SNTG2: variants seen among roughly 807,000 people sequenced by gnomAD.
SNTG2 encodes the protein gamma-2-syntrophin.
In SNTG2, 74 loss-of-function variants were observed where a neutral mutation model predicts 70.9. The ratio of observed to expected loss-of-function variants is 1.04; its 90% CI spans 0.86 to 1.27. SNTG2 has a LOEUF of 1.27. SNTG2 is among the 50% of genes most tolerant of loss of function. The pLI is 0.00. For missense variants in SNTG2, 717 were observed against 690.7 expected (o/e 1.04, Z -0.43); for synonymous variants, 278 against 273.8 (o/e 1.02, Z -0.15).
intron 1 of SNTG2, among the ~76,000 whole-genome samples, chr2:1,052,520 G>A (rs1474221153): frequency 6.6e-6 from 1 of 152,124 alleles, no homozygotes; most frequent in Non-Finnish European, 1.5e-5. Context: ...CCAGAGAACT[G>A]TTCTTTGGCT....
chr2:1,109,568 A>T (rs1294366229), intron 4 of SNTG2, among the ~76,000 whole-genome samples: 1 of 152,184 alleles, frequency 6.6e-6, no homozygotes, highest in Non-Finnish European at 1.5e-5. Flanking sequence ...TGAGTTGCCC[A>T]GTTTTACTCC....
chr2:993,456 A>G lies in SNTG2; in HGVS notation c.72+42388A>G, dbSNP rs992252213. On this transcript the variant is annotated intron_variant, in intron 1 of 16. Transcript: ENST00000308624. ...CACTATTTGACTAATATAAATAATG[A>G]TGCTGTAAATATTTATGTGATTTTG... 3.3e-5 allele frequency among the ~76,000 whole-genome samples: 5 copies of G among 152,270 alleles called. No individual in the cohort carries two copies. In the South Asian group the frequency reaches 8.3e-4, roughly 25 times the overall value.
chr2:1,237,565 C>T (rs1676748863), intron 9 of SNTG2, among the ~76,000 whole-genome samples: 1 of 152,206 alleles, frequency 6.6e-6, no homozygotes, highest in African/African-American at 2.4e-5. Flanking sequence ...TTTAAGTGCT[C>T]CATCCAAAGG....
chr2:983,338 A>T (rs1661194612), intron 1 of SNTG2, among the ~76,000 whole-genome samples: 4 of 146,334 alleles, frequency 2.7e-5, no homozygotes, highest in Non-Finnish European at 4.5e-5. Flanking sequence ...GCAGAGGTGG[A>T]AGTCGGGATG....
chr2:1,193,021 C>A (rs900960160), intron 8 of SNTG2, among the ~76,000 whole-genome samples: 2 of 152,184 alleles, frequency 1.3e-5, no homozygotes, highest in Admixed American at 6.5e-5. Flanking sequence ...ATGCTGGAGA[C>A]CCCTCTATGA....
intron 1 of SNTG2, among the ~76,000 whole-genome samples, chr2:1,070,871 T>G (rs1171128770): frequency 6.6e-6 from 1 of 152,128 alleles, no homozygotes; most frequent in African/African-American, 2.4e-5. Flanking sequence ...TGTGGTATTT[T>G]ATACTGCAGC....
intron 2 of SNTG2, among the ~76,000 whole-genome samples, chr2:1,090,534 A>G (rs1310870041): frequency 6.6e-6 from 1 of 152,178 alleles, no homozygotes; most frequent in Non-Finnish European, 1.5e-5. Context: ...TTTATTAAAA[A>G]GTTTTAGAGC....
Position 951,084 on chromosome 2 carries a change from C to T in SNTG2, c.72+16C>T. The T allele has an allele frequency of 8.1e-7, 1 of 1,238,622 alleles. No homozygotes were observed. The highest frequency in any genetic ancestry group is 1.0e-6 in the Non-Finnish European group (1 of 992,088). The allele number at this position is 1,238,622 out of a possible 1,614,324, so 76.7% of individuals were successfully genotyped here. On this transcript the variant is annotated intron_variant, in intron 1 of 16. Coordinates refer to ENST00000308624, the MANE Select transcript of SNTG2 (RefSeq NM_018968.4). ...ACCTGCGCGGGTGAGTGCGGCCCCT[C>T]AGCGCCCCTTCACCTCCGGCCCCCC...
intron 16 of SNTG2, among the ~76,000 whole-genome samples, chr2:1,352,107 A>G (rs1300663337): frequency 1.3e-5 from 2 of 152,076 alleles, no homozygotes; most frequent in Admixed American, 1.3e-4. Flanking sequence ...CTAACTCACT[A>G]CACTCGTGCC....
In SNTG2 at chr2:1,353,903, CTG is replaced by C. The variant is rs1660710444; in HGVS notation, c.1489-13439_1489-13438del. 1 of 152,136 alleles carries C rather than the reference CTG, an allele frequency of 6.6e-6. No individual in the cohort carries two copies. The highest frequency in any genetic ancestry group is 2.1e-4 in the South Asian group (1 of 4,836). The allele number at this position is 152,136 out of a possible 1,614,324, so 9.4% of individuals were successfully genotyped here. A position where few individuals can be genotyped will look rare whatever the true frequency, so the allele number is the denominator to read the frequency against. The stretch of plus-strand genomic sequence containing the variant: ...TTATGTGTTGATTGAAAGTGTCACT[CTG>C]GTGATAGATGGGGCATGCCTGCGCG... On this transcript the variant is annotated intron_variant, in intron 16 of 16. Coordinates refer to ENST00000308624, the MANE Select transcript of SNTG2 (RefSeq NM_018968.4). The surrounding 1 kb of genome is among the most constrained non-coding windows in gnomAD (Gnocchi z 4.2).
intron 8 of SNTG2, among the ~76,000 whole-genome samples, chr2:1,203,673 A>AAAAATATATATATAT (rs1451954919): frequency 8.7e-6 from 1 of 115,516 alleles, no homozygotes; most frequent in African/African-American, 3.2e-5. Flanking sequence ...CAAAAAAAAA[A>AAAAATATATATATAT]ATATATATAT....
chr2:1,165,722 G>A (rs900851050), intron 7 of SNTG2, 87 bp downstream of exon 7: 2 of 1,129,008 alleles, frequency 1.8e-6, no homozygotes, highest in East Asian at 4.8e-5. Flanking sequence ...CATGGACTGG[G>A]ATATTAATCA....
chr2:1,011,431 T>C (rs1470114862), intron 1 of SNTG2, among the ~76,000 whole-genome samples: 1 of 152,250 alleles, frequency 6.6e-6, no homozygotes. Context: ...AGTACACATA[T>C]AATTTATTAA....
chr2:1,275,157 C>G (rs1315176271), intron 14 of SNTG2, among the ~76,000 whole-genome samples: 1 of 152,228 alleles, frequency 6.6e-6, no homozygotes, highest in Admixed American at 6.5e-5. Context: ...AAGCCACCCA[C>G]CAGGGCGGAG....
intron 2 of SNTG2, among the ~76,000 whole-genome samples, chr2:1,089,132 G>T (rs1664861167): frequency 6.6e-6 from 1 of 152,200 alleles, no homozygotes; most frequent in African/African-American, 2.4e-5. Context: ...TTAACAAAAT[G>T]CAGTCGTCAG....
rs562029009 is a variant in SNTG2 at position 1,061,091 on chromosome 2, A to C, written c.73-22427A>C. ...CACAAAATAACTGACCCATGTTTCC[A>C]AAAAAAAAGAGTCAAGATCAAGAAA... is the stretch of plus-strand genomic sequence containing the variant. On this transcript the variant is annotated intron_variant, in intron 1 of 16. Coordinates refer to ENST00000308624, the MANE Select transcript of SNTG2 (RefSeq NM_018968.4). Among the ~76,000 whole-genome samples, 174 of 50,772 alleles carry C rather than the reference A, an allele frequency of 3.4e-3. 1 individual carries two copies. The highest frequency in any genetic ancestry group is 0.011 in the African/African-American group (171 of 16,132). The allele number at this position is 50,772 out of a possible 152,430, so 33.3% of individuals were successfully genotyped here. A position where few individuals can be genotyped will look rare whatever the true frequency, so the allele number is the denominator to read the frequency against.
intron 11 of SNTG2, among the ~76,000 whole-genome samples, chr2:1,246,630 G>C (rs1441345495): frequency 6.6e-6 from 1 of 152,132 alleles, no homozygotes; most frequent in Non-Finnish European, 1.5e-5. Context: ...CCTTGAAATA[G>C]AATGAGAAAA....
Position 1,100,586 on chromosome 2 carries a change from G to A in SNTG2, c.325+2176G>A, listed in dbSNP as rs190605302. ...GGCCCAGTGCTTTGGCTCATATAAAGTGGGATTCCACACGGGCGCCGTGGG... is the reference window on the plus strand; with the variant it reads ...GGCCCAGTGCTTTGGCTCATATAAAATGGGATTCCACACGGGCGCCGTGGG... On this transcript the variant is annotated intron_variant, in intron 4 of 16. Transcript: ENST00000308624. Among the ~76,000 whole-genome samples, 26 of 152,330 alleles carry A rather than the reference G, an allele frequency of 1.7e-4. No individual in the cohort carries two copies. In the East Asian group the frequency reaches 5.0e-3, roughly 29 times the overall value.
chr2:1,264,846 C>A (rs1678636134), intron 13 of SNTG2, among the ~76,000 whole-genome samples: 1 of 152,176 alleles, frequency 6.6e-6, no homozygotes, highest in African/African-American at 2.4e-5. Flanking sequence ...CAGGTGTAAG[C>A]CACTGTGCCT....
Sources: gnomAD v4.1 joint callset for allele counts (sites outside exome capture counted in the v4.1 genomes callset) on GRCh38, gnomAD v4.1.1 for gene constraint, Gnocchi (gnomAD v3.1) non-coding constraint, MANE v1.5 for transcripts, NCBI Gene and HGNC (gene_info 2026-07-23, HGNC 2026-07-21) for gene names.